The following MYBL2 variants were observed in gnomAD, a reference collection of about 807,000 sequenced individuals.
MYBL2 encodes myb-related protein B.
Under a neutral mutation model 79.9 loss-of-function variants are expected in MYBL2, and 28 were observed. The ratio of observed to expected loss-of-function variants is 0.35; its 90% CI spans 0.26 to 0.48. The LOEUF is 0.48. Among genes scored for constraint, MYBL2 ranks in the 20% least tolerant of loss-of-function variants. The pLI is 0.99. For synonymous variants in MYBL2, 378 were observed against 361.2 expected (o/e 1.05, Z -0.53); for missense variants, 735 against 893.9 (o/e 0.82, Z 2.27).
At chr20:43,706,719 G>GTTTGTTTTTTTTT (rs1987791489) in intron 9 of MYBL2, among the ~76,000 whole-genome samples, 3 of 70,780 alleles carry the variant, frequency 4.2e-5, no homozygotes, top group Non-Finnish European at 7.6e-5. Context: ...AAAAAAAAAA[G>GTTTGTTTTTTTTT]TTTTTTTTTT....
chr20:43,709,007 GA>G (rs1347693770), intron 9 of MYBL2, among the ~76,000 whole-genome samples: 1 of 152,220 alleles, frequency 6.6e-6, no homozygotes, highest in African/African-American at 2.4e-5. Context: ...AGGTCCTGAG[GA>G]AGGAAGAAAA....
intron 7 of MYBL2, among the ~76,000 whole-genome samples, chr20:43,700,295 C>T (rs367895651): frequency 1.5e-4 from 23 of 152,060 alleles, no homozygotes; most frequent in African/African-American, 4.3e-4. Context: ...TGGCACAGGG[C>T]GGGGTGGGAA....
intron 5 of MYBL2, among the ~76,000 whole-genome samples, chr20:43,690,903 C>T (rs1162016084): frequency 6.6e-6 from 1 of 152,176 alleles, no homozygotes; most frequent in African/African-American, 2.4e-5. Flanking sequence ...CTTCTCACCA[C>T]TATACTTCTA....
chr20:43,710,785 C>G (rs1987887434), intron 10 of MYBL2, among the ~76,000 whole-genome samples: 1 of 152,144 alleles, frequency 6.6e-6, no homozygotes, highest in Non-Finnish European at 1.5e-5. Context: ...AGCAGACTTT[C>G]CACGGACCAT....
At chr20:43,707,141 T>G (rs1265573752) in intron 9 of MYBL2, among the ~76,000 whole-genome samples, 1 of 150,776 alleles carries the variant, frequency 6.6e-6, no homozygotes, top group Non-Finnish European at 1.5e-5. Flanking sequence ...GATTGGCTAC[T>G]GCACTCCAGC....
chr20:43,670,127 AACAG>A (rs1568842999), intron 1 of MYBL2, among the ~76,000 whole-genome samples: 1 of 152,024 alleles, frequency 6.6e-6, no homozygotes, highest in Non-Finnish European at 1.5e-5. Context: ...CAAACAAACA[AACAG>A]CATTGGAGCA....
At position 43,682,776 on chromosome 20, in the gene MYBL2, C is replaced by G. The variant is rs1432693274; in HGVS notation, c.187-18C>G. 3 of 1,612,946 alleles carry G rather than the reference C, an allele frequency of 1.9e-6. No homozygotes were observed. In the African/African-American group the frequency reaches 4.0e-5, roughly 22 times the overall value. On this transcript the variant is annotated intron_variant, in intron 3 of 13. Coordinates refer to ENST00000217026, the MANE Select transcript of MYBL2 (RefSeq NM_002466.4). ...AGAAGTTCTCACAGATTGGTTTGTT[C>G]TTCTGTTCTTTTCCCAGAACCGCAC...
chr20:43,700,651 G>A (rs1162058603), intron 7 of MYBL2, among the ~76,000 whole-genome samples: 1 of 152,116 alleles, frequency 6.6e-6, no homozygotes, highest in African/African-American at 2.4e-5. Flanking sequence ...CACTAGGGTG[G>A]GGAGTTCAGT....
intron 6 of MYBL2, among the ~76,000 whole-genome samples, chr20:43,698,814 G>C (rs1987617599): frequency 6.7e-6 from 1 of 149,580 alleles, no homozygotes; most frequent in African/African-American, 2.5e-5. Flanking sequence ...GATTACAGGT[G>C]TGAGCCGCCA....
intron 1 of MYBL2, among the ~76,000 whole-genome samples, chr20:43,672,444 AAC>A (rs1986889637): frequency 6.6e-6 from 1 of 151,902 alleles, no homozygotes; most frequent in South Asian, 2.1e-4. Context: ...AAAAAAAATC[AAC>A]ACACGAAAAA....
At chr20:43,711,704 A>T in intron 11 of MYBL2, 103 bp downstream of exon 11, 1 of 995,852 alleles carries the variant, frequency 1.0e-6, no homozygotes, top group Non-Finnish European at 1.5e-6. Context: ...GCTGGGGAGA[A>T]TGGGGGCGTA....
At chr20:43,678,854 T>G (rs1393692734) in intron 2 of MYBL2, among the ~76,000 whole-genome samples, 1 of 74,582 alleles carries the variant, frequency 1.3e-5, no homozygotes. Context: ...CAAAACTCCG[T>G]CTCAAAAAAA....
intron 7 of MYBL2, 28 bp from the exon 8 acceptor site, chr20:43,702,462 G>A (rs376940267): frequency 2.6e-6 from 4 of 1,564,870 alleles, no homozygotes; most frequent in African/African-American, 1.4e-5. Context: ...CATAGTAATT[G>A]CAATTCCTAA....
chr20:43,683,877 AT>A (rs200552763), intron 4 of MYBL2, among the ~76,000 whole-genome samples: 4,091 of 150,736 alleles, frequency 0.027, 69 homozygotes, highest in Non-Finnish European at 0.037. Context: ...TTTTAAATTA[AT>A]TTTTTTTTGA....
intron 9 of MYBL2, among the ~76,000 whole-genome samples, chr20:43,706,250 C>T (rs984029626): frequency 1.3e-5 from 2 of 152,158 alleles, no homozygotes; most frequent in African/African-American, 2.4e-5. Context: ...ATGTGCAGGG[C>T]GAAAGTGCCC....
intron 11 of MYBL2, 76 bp downstream of exon 11, chr20:43,711,677 G>C: frequency 7.5e-7 from 1 of 1,334,984 alleles, no homozygotes; most frequent in Non-Finnish European, 1.0e-6. Flanking sequence ...CTGGGGACAG[G>C]TTGTAGAAAG....
At chr20:43,701,029 C>CT (rs1422573244) in intron 7 of MYBL2, among the ~76,000 whole-genome samples, 5 of 152,174 alleles carry the variant, frequency 3.3e-5, no homozygotes, top group Non-Finnish European at 7.4e-5. Flanking sequence ...CTTAGTTGGT[C>CT]TTTAACAGCC....
At chr20:43,683,031 A>T (rs1463126181) in intron 4 of MYBL2, 145 bp downstream of exon 4, 1 of 743,720 alleles carries the variant, frequency 1.3e-6, no homozygotes, top group East Asian at 2.7e-5. Context: ...GGACACTCTT[A>T]TGCTGCCCTG....
At chr20:43,667,955 GGA>G (rs1384610261) in intron 1 of MYBL2, among the ~76,000 whole-genome samples, 2 of 152,042 alleles carry the variant, frequency 1.3e-5, no homozygotes, top group African/African-American at 4.8e-5. Context: ...AAGGTGCGGG[GGA>G]GAGAGAGAGT....
Sources: gnomAD v4.1 joint callset for allele counts (sites outside exome capture counted in the v4.1 genomes callset) on GRCh38, gnomAD v4.1.1 for gene constraint, MANE v1.5 for transcripts, NCBI Gene and HGNC (gene_info 2026-07-23, HGNC 2026-07-21) for gene names.